Variants in NTNG1 observed in about 807,000 individuals in gnomAD.
NTNG1 encodes the protein netrin G1, also known as netrin-G1.
A neutral mutation model predicts 54.0 loss-of-function variants in NTNG1; 16 were observed. The ratio of observed to expected loss-of-function variants is 0.30; its 90% CI spans 0.20 to 0.45. The LOEUF (loss-of-function observed/expected upper bound fraction) is 0.45. Among genes scored for constraint, NTNG1 ranks in the 20% least tolerant of loss-of-function variants. The pLI is 1.00. For missense variants in NTNG1, 530 were observed against 678.7 expected (o/e 0.78, Z 2.43); for synonymous variants, 255 against 263.1 (o/e 0.97, Z 0.30).
chr1:107,268,265 C>G (rs1030729552), intron 2 of NTNG1, among the ~76,000 whole-genome samples: 3 of 152,118 alleles, frequency 2.0e-5, no homozygotes, highest in Non-Finnish European at 4.4e-5. Flanking sequence ...ACTTCCATTC[C>G]TTTCCTAACC....
intron 3 of NTNG1, among the ~76,000 whole-genome samples, chr1:107,334,382 TTA>T (rs1364051684): frequency 6.6e-6 from 1 of 151,898 alleles, no homozygotes; most frequent in Non-Finnish European, 1.5e-5. Context: ...AGCAAAGCTG[TTA>T]TAACATATTG....
At chr1:107,368,107 G>A (rs573557521) in intron 3 of NTNG1, among the ~76,000 whole-genome samples, 2 of 152,052 alleles carry the variant, frequency 1.3e-5, no homozygotes, top group East Asian at 3.9e-4. Context: ...CACATAATAG[G>A]AACCCCTTTC....
chr1:107,287,601 C>A (rs1665280518), intron 2 of NTNG1, among the ~76,000 whole-genome samples: 1 of 152,052 alleles, frequency 6.6e-6, no homozygotes, highest in South Asian at 2.1e-4. Context: ...AAACAAAACT[C>A]TTAAATTTAG....
intron 2 of NTNG1, among the ~76,000 whole-genome samples, chr1:107,202,779 T>C (rs1247709422): frequency 6.6e-6 from 1 of 151,988 alleles, no homozygotes; most frequent in African/African-American, 2.4e-5. Context: ...CCAAATGCAC[T>C]ATTTTCTCCT....
Position 107,480,611 on chromosome 1 carries a change from C to A in NTNG1, c.1391C>A (p.Pro464Gln). 1.4e-6 allele frequency: 2 copies of A among 1,394,352 alleles called. No homozygotes were observed. Among genetic ancestry groups the A allele is most frequent in the South Asian group, 1.3e-5 (1 of 76,592 alleles). 86.4% of individuals were successfully genotyped at this position (1,394,352 alleles called of 1,614,324 possible). A position where few individuals can be genotyped will look rare whatever the true frequency, so the allele number is the denominator to read the frequency against. ...PGNSWHYGCQ[P>Q]NVCDNELLHC... ...CCCTACCTTCCCCCTCATTCTGCAG[C>A]GAATGTCTGCGACAACGAGCTCCTG... The change falls in exon 8 of 8, where the codon CCG (proline) becomes CAG (glutamine). Residue 464 changes from proline (P) to glutamine (Q), a missense_variant and splice_region_variant. By Grantham distance (76) the Pro-to-Gln change is moderately conservative. This residue lies in a region of NTNG1 where 212 missense variants were observed against 213.6 expected (regional missense o/e 0.99). Transcript: ENST00000370068.
chr1:107,468,177 A>G (rs1677727589), intron 7 of NTNG1, among the ~76,000 whole-genome samples: 1 of 152,180 alleles, frequency 6.6e-6, no homozygotes, highest in Non-Finnish European at 1.5e-5. Flanking sequence ...TCATACTTAA[A>G]TATCCCTGCT....
chr1:107,382,559 G>C (rs1045531261), intron 3 of NTNG1, among the ~76,000 whole-genome samples: 1 of 152,118 alleles, frequency 6.6e-6, no homozygotes, highest in Non-Finnish European at 1.5e-5. Flanking sequence ...GTCACTATCT[G>C]GTTATTTTTT....
intron 2 of NTNG1, among the ~76,000 whole-genome samples, chr1:107,323,356 G>A (rs7411507): frequency 0.49 from 74,129 of 152,002 alleles, 20,980 homozygotes; most frequent in Non-Finnish European, 0.62. Flanking sequence ...ATTTAGTGTA[G>A]CATAAGCAGT....
At chr1:107,362,959 T>C (rs1453528056) in intron 3 of NTNG1, among the ~76,000 whole-genome samples, 1 of 152,168 alleles carries the variant, frequency 6.6e-6, no homozygotes, top group Non-Finnish European at 1.5e-5. Context: ...GCCCTTTCCC[T>C]CCCTTCTGTT....
At chr1:107,212,274 T>G (rs1337609097) in intron 2 of NTNG1, among the ~76,000 whole-genome samples, 1 of 152,168 alleles carries the variant, frequency 6.6e-6, no homozygotes, top group Non-Finnish European at 1.5e-5. Context: ...TGAGTATGCT[T>G]GAATATCCAT....
chr1:107,240,328 G>A (rs1284596132), intron 2 of NTNG1, among the ~76,000 whole-genome samples: 8 of 150,162 alleles, frequency 5.3e-5, no homozygotes, highest in Non-Finnish European at 1.2e-4. Flanking sequence ...GTGAAGTCAG[G>A]TCACTTCACA....
chr1:107,295,102 T>A (rs1665863651), intron 2 of NTNG1, among the ~76,000 whole-genome samples: 1 of 152,138 alleles, frequency 6.6e-6, no homozygotes, highest in Non-Finnish European at 1.5e-5. Context: ...TATCAGAAGG[T>A]GGTTGTGTAA....
At chr1:107,426,315 A>G (rs902206416) in intron 5 of NTNG1, among the ~76,000 whole-genome samples, 3 of 152,016 alleles carry the variant, frequency 2.0e-5, no homozygotes, top group African/African-American at 7.2e-5. Context: ...TCTTATATGT[A>G]GGTCCTTAAT....
At chr1:107,341,698 G>A (rs1668905444) in intron 3 of NTNG1, among the ~76,000 whole-genome samples, 1 of 152,080 alleles carries the variant, frequency 6.6e-6, no homozygotes, top group South Asian at 2.1e-4. Context: ...AATATCCATT[G>A]ACCCTGTTGG....
chr1:107,272,475 T>A (rs1296587136), intron 2 of NTNG1, among the ~76,000 whole-genome samples: 1 of 152,192 alleles, frequency 6.6e-6, no homozygotes, highest in Non-Finnish European at 1.5e-5. Context: ...AGAATTCCAC[T>A]GGGAACATGG....
chr1:107,173,522 G>C (rs1470617273), intron 2 of NTNG1, among the ~76,000 whole-genome samples: 1 of 152,032 alleles, frequency 6.6e-6, no homozygotes, highest in Non-Finnish European at 1.5e-5. Flanking sequence ...AAAACTATAT[G>C]CCAAACCCGG....
chr1:107,414,399 A>T (rs1202122433), intron 5 of NTNG1, among the ~76,000 whole-genome samples: 2 of 152,190 alleles, frequency 1.3e-5, no homozygotes, highest in African/African-American at 4.8e-5. Context: ...TTCTAAGCTG[A>T]TGTGGTTCTA....
chr1:107,256,158 G>A (rs1419234003), intron 2 of NTNG1, among the ~76,000 whole-genome samples: 1 of 152,116 alleles, frequency 6.6e-6, no homozygotes, highest in African/African-American at 2.4e-5. Context: ...CTTTTAAGAG[G>A]AAAATGACAT....
At chr1:107,335,698 GA>G (rs1162126955) in intron 3 of NTNG1, among the ~76,000 whole-genome samples, 3 of 151,342 alleles carry the variant, frequency 2.0e-5, no homozygotes, top group Admixed American at 1.3e-4. Flanking sequence ...TGTATCGTCA[GA>G]AAAAAATAGT....
Sources: gnomAD v4.1 joint callset for allele counts (sites outside exome capture counted in the v4.1 genomes callset) on GRCh38, gnomAD v4.1.1 for gene constraint, gnomAD v4.1.1 regional missense constraint, MANE v1.5 for transcripts, NCBI Gene and HGNC (gene_info 2026-07-23, HGNC 2026-07-21) for gene names.